The following GPC5 variants were observed in gnomAD, a reference collection of about 807,000 sequenced individuals.
GPC5 encodes glypican-5.
In GPC5, 47 loss-of-function variants were observed where a neutral mutation model predicts 53.9. That is an observed-to-expected ratio of 0.87 (90% CI 0.69 to 1.11). The LOEUF (loss-of-function observed/expected upper bound fraction) is 1.11. Among genes scored for constraint, GPC5 ranks in the 50% most tolerant of loss-of-function variants. The pLI is 0.00. For missense variants in GPC5, 748 were observed against 713.1 expected (o/e 1.05, Z -0.56); for synonymous variants, 286 against 263.3 (o/e 1.09, Z -0.84).
intron 7 of GPC5, among the ~76,000 whole-genome samples, chr13:92,542,113 A>G (rs922323777): frequency 2.0e-5 from 3 of 152,026 alleles, no homozygotes; most frequent in Non-Finnish European, 4.4e-5. Context: ...ATAGCTTTAT[A>G]CCATGTGTAA....
intron 2 of GPC5, among the ~76,000 whole-genome samples, chr13:91,675,886 CAAGA>C (rs1463258189): frequency 6.6e-6 from 1 of 152,092 alleles, no homozygotes; most frequent in Non-Finnish European, 1.5e-5. Context: ...AGGCTTCACC[CAAGA>C]AAGAACATCG....
chr13:91,494,464 C>T (rs769056479), intron 2 of GPC5, among the ~76,000 whole-genome samples: 3 of 152,048 alleles, frequency 2.0e-5, no homozygotes, highest in Non-Finnish European at 4.4e-5. Flanking sequence ...CTTTCTCCAG[C>T]TGCTGCTCCA....
chr13:92,676,545 A>C lies in GPC5; in HGVS notation c.1562-189737A>C, dbSNP rs1297354152. Among the ~76,000 whole-genome samples, 3 of 152,184 alleles carry C rather than the reference A, an allele frequency of 2.0e-5. No individual in the cohort carries two copies. The East Asian group carries it at 5.8e-4, about 29-fold the overall frequency. On this transcript the variant is annotated intron_variant, in intron 7 of 7. Transcript: ENST00000377067. ...GGCTGTGGTTCTGTGAATAACAATA[A>C]GAAGTATGGAGTCAGGCAAACCTCA...
At chr13:92,332,887 A>C (rs567796652) in intron 7 of GPC5, among the ~76,000 whole-genome samples, 1 of 152,304 alleles carries the variant, frequency 6.6e-6, no homozygotes, top group Admixed American at 6.5e-5. Context: ...AGTTCTACTT[A>C]TAAGTCATCA....
At chr13:91,961,419 G>C (rs756956621) in intron 6 of GPC5, among the ~76,000 whole-genome samples, 1 of 151,924 alleles carries the variant, frequency 6.6e-6, no homozygotes, top group Non-Finnish European at 1.5e-5. Flanking sequence ...GATGCCCCAG[G>C]TGACTGACAA....
chr13:91,439,299 G>A (rs1247531292), intron 1 of GPC5, among the ~76,000 whole-genome samples: 1 of 152,226 alleles, frequency 6.6e-6, no homozygotes, highest in Non-Finnish European at 1.5e-5. Context: ...CAGGAATGCT[G>A]CTAAGCATCT....
At chr13:92,283,749 A>G (rs2042933304) in intron 7 of GPC5, among the ~76,000 whole-genome samples, 2 of 152,372 alleles carry the variant, frequency 1.3e-5, no homozygotes, top group African/African-American at 4.8e-5. Flanking sequence ...AGCAGTGTGT[A>G]GAGGGAAATT....
chr13:92,735,666 G>A (rs1418135460), intron 7 of GPC5, among the ~76,000 whole-genome samples: 2 of 151,970 alleles, frequency 1.3e-5, no homozygotes, highest in African/African-American at 4.8e-5. Context: ...CCCATGTCTG[G>A]AACTAGATCC....
At chr13:91,845,481 T>C (rs983144949) in intron 5 of GPC5, among the ~76,000 whole-genome samples, 2 of 152,220 alleles carry the variant, frequency 1.3e-5, no homozygotes, top group Non-Finnish European at 2.9e-5. Flanking sequence ...TTTTTGTTGT[T>C]GTTAAGAACA....
chr13:91,934,353 C>G (rs1566349978), intron 6 of GPC5, among the ~76,000 whole-genome samples: 1 of 151,748 alleles, frequency 6.6e-6, no homozygotes, highest in Non-Finnish European at 1.5e-5. Context: ...TTCACAAACA[C>G]TTTTTTGGGG....
intron 7 of GPC5, among the ~76,000 whole-genome samples, chr13:92,605,242 T>G (rs1884212162): frequency 6.6e-6 from 1 of 152,230 alleles, no homozygotes; most frequent in African/African-American, 2.4e-5. Context: ...CTCCACAAAT[T>G]CTTGTAATCA....
intron 7 of GPC5, among the ~76,000 whole-genome samples, chr13:92,695,703 T>G (rs1044916681): frequency 4.5e-5 from 6 of 133,946 alleles, no homozygotes; most frequent in Non-Finnish European, 6.8e-5. Flanking sequence ...TTTTATGAGT[T>G]TTTTTTTTTT....
chr13:91,427,794 G>T (rs749230833), intron 1 of GPC5, among the ~76,000 whole-genome samples: 1 of 152,150 alleles, frequency 6.6e-6, no homozygotes, highest in African/African-American at 2.4e-5. Flanking sequence ...ATGTCCCCAG[G>T]TGTTGATGGA....
intron 7 of GPC5, among the ~76,000 whole-genome samples, chr13:92,442,770 A>G (rs934437120): frequency 1.3e-5 from 2 of 152,160 alleles, no homozygotes; most frequent in Non-Finnish European, 2.9e-5. Context: ...GGGTTCGTGC[A>G]TAAGAGTATC....
At chr13:91,922,607 A>T (rs2039726659) in intron 6 of GPC5, among the ~76,000 whole-genome samples, 1 of 152,228 alleles carries the variant, frequency 6.6e-6, no homozygotes, top group Non-Finnish European at 1.5e-5. Context: ...CTCTCAACAT[A>T]GAACACATGT....
chr13:92,584,666 G>A (rs987605977), intron 7 of GPC5, among the ~76,000 whole-genome samples: 2 of 152,112 alleles, frequency 1.3e-5, no homozygotes, highest in Admixed American at 1.3e-4. Flanking sequence ...CAAGACAATG[G>A]GGACAATGTC....
chr13:91,558,916 T>C (rs1675590181), intron 2 of GPC5, among the ~76,000 whole-genome samples: 1 of 152,126 alleles, frequency 6.6e-6, no homozygotes, highest in Non-Finnish European at 1.5e-5. Flanking sequence ...GTGTCCACTA[T>C]TGGTATATTT....
chr13:92,103,170 T>C (rs2041480627), intron 6 of GPC5, among the ~76,000 whole-genome samples: 1 of 152,056 alleles, frequency 6.6e-6, no homozygotes, highest in African/African-American at 2.4e-5. Context: ...CTTGTGAAGT[T>C]TTTTTTAATG....
chr13:92,568,215 A>G (rs1882918764), intron 7 of GPC5, among the ~76,000 whole-genome samples: 1 of 152,174 alleles, frequency 6.6e-6, no homozygotes, highest in African/African-American at 2.4e-5. Context: ...AATGCAAATA[A>G]TATTTTGCCT....
Sources: gnomAD v4.1 joint callset for allele counts (sites outside exome capture counted in the v4.1 genomes callset) on GRCh38, gnomAD v4.1.1 for gene constraint, MANE v1.5 for transcripts, NCBI Gene and HGNC (gene_info 2026-07-23, HGNC 2026-07-21) for gene names.